Variants in DCUN1D3 observed in about 807,000 individuals in gnomAD.
DCUN1D3 encodes the protein defective in cullin neddylation 1 domain containing 3.
DCUN1D3 carries 6 observed loss-of-function variants against 24.8 expected under a neutral mutation model. The ratio of observed to expected loss-of-function variants is 0.24; its 90% CI spans 0.13 to 0.48. The LOEUF (loss-of-function observed/expected upper bound fraction) is 0.48, where lower values mean the gene tolerates loss of function less well. Ranked by LOEUF, DCUN1D3 falls within the 20% of genes least tolerant of loss-of-function variation. The pLI is 0.99. For synonymous variants in DCUN1D3, 120 were observed against 144.9 expected, an observed-to-expected ratio of 0.83 and a Z score of 1.24; for missense variants, 258 against 379.4, an observed-to-expected ratio of 0.68 and a Z score of 2.66.
intron 1 of DCUN1D3, among the ~76,000 whole-genome samples, chr16:20,875,044 C>T (rs887148907): frequency 2.6e-5 from 4 of 152,112 alleles, no homozygotes; most frequent in Non-Finnish European, 5.9e-5. Flanking sequence ...TAATGGCCAC[C>T]ACAATGCTGT....
chr16:20,897,130 T>G (rs967790402), intron 1 of DCUN1D3, among the ~76,000 whole-genome samples: 1 of 152,222 alleles, frequency 6.6e-6, no homozygotes, highest in Admixed American at 6.5e-5. Flanking sequence ...CATTTAAGTC[T>G]CTCAACTGCC....
chr16:20,863,580 C>T (rs9935891), intron 1 of DCUN1D3, among the ~76,000 whole-genome samples: 27,150 of 151,872 alleles, frequency 0.18, 2,643 homozygotes, highest in African/African-American at 0.26. Context: ...CCTGTCTCTA[C>T]GAAAAATAGA....
chr16:20,869,883 T>G (rs966839112), intron 1 of DCUN1D3, among the ~76,000 whole-genome samples: 10 of 152,182 alleles, frequency 6.6e-5, no homozygotes, highest in Non-Finnish European at 1.5e-5. Context: ...TTTCCATCAC[T>G]GGTCTCACTA....
chr16:20,885,417 T>C lies in DCUN1D3; in HGVS notation c.-106+14787A>G, dbSNP rs190084911. Among the ~76,000 whole-genome samples the C allele has an allele frequency of 2.6e-5, 4 of 152,238 alleles. No homozygotes were observed. The East Asian group carries it at 5.8e-4, about 22-fold the overall frequency. On this transcript the variant is annotated intron_variant, in intron 1 of 2. Coordinates refer to ENST00000324344, the MANE Select transcript of DCUN1D3 (RefSeq NM_173475.4). ...ATTACAAGGAGCTATACCAGATCCA[T>C]GGCCCTTTACAGCGTGTTAACTCAG...
At chr16:20,873,157 T>G (rs2081797806) in intron 1 of DCUN1D3, among the ~76,000 whole-genome samples, 2 of 151,384 alleles carry the variant, frequency 1.3e-5, no homozygotes, top group Non-Finnish European at 2.9e-5. Context: ...AATCCAATGA[T>G]CCAGTGATTC....
rs1567419726 is a variant in DCUN1D3 at position 20,857,629 on chromosome 16, T to G, written c.*2257A>C. On this transcript the variant is annotated 3_prime_UTR_variant, in exon 3 of 3. Transcript: ENST00000324344. Reference sequence around the variant, plus strand: ...AAGCAGTCTTTTTAAAACCTCAGTCTGGGTACCCAGCTACAACTGATCCCA... The same window carrying G: ...AAGCAGTCTTTTTAAAACCTCAGTCGGGGTACCCAGCTACAACTGATCCCA... The G allele has an allele frequency of 6.6e-6, 1 of 152,196 alleles. No individual in the cohort carries two copies. The allele number at this position is 152,196 out of a possible 1,614,324, so 9.4% of individuals were successfully genotyped here. A position where few individuals can be genotyped will look rare whatever the true frequency, so the allele number is the denominator to read the frequency against.
In DCUN1D3 at chr16:20,859,704, CA is replaced by C; in HGVS notation, c.*181del. 3.8e-6 allele frequency: 3 copies of C among 799,244 alleles called. No homozygotes were observed. The highest frequency in any genetic ancestry group is 5.4e-6 in the Non-Finnish European group (3 of 555,296). 49.5% of individuals were successfully genotyped at this position (799,244 alleles called of 1,614,324 possible). ...CCAAAAAGGAAATAACCAAAATAAC[CA>C]AAAAAATGAAGAAAGTGCCTAAAAC... On this transcript the variant is annotated 3_prime_UTR_variant, in exon 3 of 3. Coordinates refer to ENST00000324344, the MANE Select transcript of DCUN1D3 (RefSeq NM_173475.4).
At chr16:20,880,643 A>T (rs2081839198) in intron 1 of DCUN1D3, among the ~76,000 whole-genome samples, 1 of 151,354 alleles carries the variant, frequency 6.6e-6, no homozygotes, top group Non-Finnish European at 1.5e-5. Context: ...AAAAAAGAAA[A>T]AAGAAAAGAA....
At chr16:20,862,002 A>G in intron 2 of DCUN1D3, 106 bp downstream of exon 2, 3 of 1,247,228 alleles carry the variant, frequency 2.4e-6, no homozygotes, top group Non-Finnish European at 3.4e-6. Context: ...AACTTACCCA[A>G]AACCCTATGA....
chr16:20,871,799 T>A (rs1450460330), intron 1 of DCUN1D3, among the ~76,000 whole-genome samples: 4 of 152,218 alleles, frequency 2.6e-5, no homozygotes, highest in Non-Finnish European at 5.9e-5. Flanking sequence ...CTGTCACTAT[T>A]GATCTGGGCA....
At chr16:20,880,683 T>C (rs1231353040) in intron 1 of DCUN1D3, among the ~76,000 whole-genome samples, 1 of 151,178 alleles carries the variant, frequency 6.6e-6, no homozygotes, top group Non-Finnish European at 1.5e-5. Context: ...AGAGATACTT[T>C]CTAAAGAATC....
At chr16:20,892,209 G>C (rs2081895301) in intron 1 of DCUN1D3, among the ~76,000 whole-genome samples, 1 of 152,136 alleles carries the variant, frequency 6.6e-6, no homozygotes. Context: ...CTATTTCAAA[G>C]AACAACTAAA....
intron 1 of DCUN1D3, among the ~76,000 whole-genome samples, chr16:20,878,652 ACTTG>A (rs2081827926): frequency 6.6e-6 from 1 of 152,202 alleles, no homozygotes; most frequent in Non-Finnish European, 1.5e-5. Flanking sequence ...ACTGCATACT[ACTTG>A]CTTTAAATAC....
intron 1 of DCUN1D3, among the ~76,000 whole-genome samples, chr16:20,877,692 A>G (rs1228350636): frequency 1.3e-5 from 2 of 152,254 alleles, no homozygotes; most frequent in Non-Finnish European, 2.9e-5. Context: ...AATGGTAGCT[A>G]TTTATACCAA....
At chr16:20,898,820 G>A (rs1169330778) in intron 1 of DCUN1D3, among the ~76,000 whole-genome samples, 1 of 152,192 alleles carries the variant, frequency 6.6e-6, no homozygotes, top group African/African-American at 2.4e-5. Flanking sequence ...TCCGAAGAAT[G>A]TATCAACACC....
Position 20,856,818 on chromosome 16 carries a change from A to G in DCUN1D3, c.*3068T>C, listed in dbSNP as rs973965461. On this transcript the variant is annotated 3_prime_UTR_variant, in exon 3 of 3. Coordinates refer to ENST00000324344, the MANE Select transcript of DCUN1D3 (RefSeq NM_173475.4). The stretch of plus-strand genomic sequence containing the variant: ...TAAAGAAACATCACAAAAGCTGACA[A>G]AGCCAGTTGTCAAAACTGAGTTATT... The G allele has an allele frequency of 1.3e-5, 2 of 152,200 alleles. No homozygotes were observed. The highest frequency in any genetic ancestry group is 4.8e-5 in the African/African-American group (2 of 41,434). The allele number at this position is 152,200 out of a possible 1,614,324, so 9.4% of individuals were successfully genotyped here.
In DCUN1D3 at chr16:20,857,231, G is replaced by GT. The variant is rs1567419600; in HGVS notation, c.*2654dup. Reference sequence around the variant, plus strand: ...AAGTACTCAAACTTGAAAGGAACTTGTAAGTCCCTCCCTGACTGCTCCCTT... The same window carrying GT: ...AAGTACTCAAACTTGAAAGGAACTTGTTAAGTCCCTCCCTGACTGCTCCCTT... On this transcript the variant is annotated 3_prime_UTR_variant, in exon 3 of 3. Transcript: ENST00000324344. 6.6e-6 allele frequency: 1 copy of GT among 152,202 alleles called. No individual in the cohort carries two copies. Among genetic ancestry groups the GT allele is most frequent in the Admixed American group, 6.5e-5 (1 of 15,280 alleles). The allele number at this position is 152,202 out of a possible 1,614,324, so 9.4% of individuals were successfully genotyped here.
At chr16:20,868,576 G>A (rs1371009817) in intron 1 of DCUN1D3, among the ~76,000 whole-genome samples, 8 of 152,230 alleles carry the variant, frequency 5.3e-5, no homozygotes, top group Admixed American at 2.0e-4. Context: ...CTGACTCACA[G>A]AAAGCATTTG....
chr16:20,859,550 A>AC lies in DCUN1D3; in HGVS notation c.*335_*336insG, dbSNP rs1215541408. The stretch of plus-strand genomic sequence containing the variant: ...TATGCCCTCCCCTACCAAAAAAAAA[A>AC]AAAAAAAAACAAAAAAAAACAAAAA... On this transcript the variant is annotated 3_prime_UTR_variant, in exon 3 of 3. Coordinates refer to ENST00000324344, the MANE Select transcript of DCUN1D3 (RefSeq NM_173475.4). The AC allele has an allele frequency of 2.6e-3, 455 of 173,002 alleles. 3 individuals carry two copies. The highest frequency in any genetic ancestry group is 9.5e-3 in the African/African-American group (367 of 38,796). The allele number at this position is 173,002 out of a possible 1,614,324, so 10.7% of individuals were successfully genotyped here.
Sources: gnomAD v4.1 joint callset for allele counts (sites outside exome capture counted in the v4.1 genomes callset) on GRCh38, gnomAD v4.1.1 for gene constraint, MANE v1.5 for transcripts, NCBI Gene and HGNC (gene_info 2026-07-23, HGNC 2026-07-21) for gene names.